MACF1: variants seen among roughly 807,000 people sequenced by gnomAD.
MACF1 encodes microtubule actin crosslinking factor 1, also known as microtubule-actin cross-linking factor 1.
Under a neutral mutation model 854.8 loss-of-function variants are expected in MACF1, and 193 were observed. That is an observed-to-expected ratio of 0.23 (90% CI 0.20 to 0.25). MACF1 has a LOEUF of 0.25. MACF1 is among the 10% of genes least tolerant of loss of function. MACF1 has a pLI of 1.00. For synonymous variants in MACF1, 3,185 were observed against 3,226.7 expected (o/e 0.99, Z 0.44); for missense variants, 7,722 against 8,929.1 (o/e 0.86, Z 5.45).
At chr1:39,092,547 G>C (rs1377778956) in intron 2 of MACF1, among the ~76,000 whole-genome samples, 4 of 152,176 alleles carry the variant, frequency 2.6e-5, no homozygotes, top group Non-Finnish European at 5.9e-5. Flanking sequence ...GCGCCCCCTG[G>C]CCCTCAACAT....
intron 84 of MACF1, among the ~76,000 whole-genome samples, chr1:39,449,893 T>A (rs1451138139): frequency 2.6e-5 from 4 of 151,952 alleles, no homozygotes; most frequent in Non-Finnish European, 4.4e-5. Flanking sequence ...GGAATCTCCC[T>A]CTGTCATCCA....
intron 52 of MACF1, among the ~76,000 whole-genome samples, 184 bp from the exon 53 acceptor site, chr1:39,378,277 T>C (rs145725224): frequency 6.6e-6 from 1 of 152,342 alleles, no homozygotes; most frequent in Non-Finnish European, 1.5e-5. Context: ...GCTAAGAACC[T>C]TGAGTGACGT....
intron 20 of MACF1, among the ~76,000 whole-genome samples, chr1:39,296,648 T>C (rs1645905941): frequency 2.0e-5 from 3 of 151,420 alleles, no homozygotes; most frequent in Non-Finnish European, 4.4e-5. Flanking sequence ...GAGAATTACT[T>C]GAACCTGGGA....
chr1:39,234,253 A>C lies in MACF1; in HGVS notation c.171+3010A>C, dbSNP rs112668643. 3.1e-3 allele frequency among the ~76,000 whole-genome samples: 472 copies of C among 152,080 alleles called. 3 individuals carry two copies. The highest frequency in any genetic ancestry group is 6.8e-3 in the Middle Eastern group (2 of 294). ...TTTTCCCCACCTCTCCCTCCTTTCTATTCCACAAAGCCGCCATTGTCATCC... is the reference window on the plus strand; with the variant it reads ...TTTTCCCCACCTCTCCCTCCTTTCTCTTCCACAAAGCCGCCATTGTCATCC... On this transcript the variant is annotated intron_variant, in intron 2 of 100. Coordinates refer to ENST00000564288, the MANE Select transcript of MACF1 (RefSeq NM_001394062.1).
At chr1:39,370,284 C>A in intron 51 of MACF1, 98 bp downstream of exon 51, 1 of 1,135,352 alleles carries the variant, frequency 8.8e-7, no homozygotes, top group Non-Finnish European at 1.2e-6. Context: ...TATGAGAAAT[C>A]CAAGTTGTCA....
At chr1:39,427,911 TTTTCA>T (rs1397904848) in intron 62 of MACF1, 45 bp from the exon 63 acceptor site, 33 of 1,384,124 alleles carry the variant, frequency 2.4e-5, no homozygotes, top group Non-Finnish European at 2.9e-5. Flanking sequence ...TTGTGTTTAC[TTTTCA>T]TTTATTTTGT....
At chr1:39,397,241 C>A (rs1035347250) in intron 58 of MACF1, among the ~76,000 whole-genome samples, 8 of 152,066 alleles carry the variant, frequency 5.3e-5, no homozygotes, top group African/African-American at 1.9e-4. Context: ...TAACTCGAAA[C>A]TATTGTAAGT....
chr1:39,402,409 C>T (rs1029724580), intron 58 of MACF1, among the ~76,000 whole-genome samples: 6 of 152,130 alleles, frequency 3.9e-5, no homozygotes, highest in African/African-American at 1.4e-4. Flanking sequence ...TCTCATAGCA[C>T]GGTGTGCTTT....
intron 6 of MACF1, among the ~76,000 whole-genome samples, chr1:39,278,558 GA>G (rs1645482350): frequency 6.6e-6 from 1 of 152,174 alleles, no homozygotes; most frequent in African/African-American, 2.4e-5. Context: ...TTTGGGTGAA[GA>G]ACCCAAATAC....
chr1:39,146,561 GGAGGACATTAT>G (rs1232023580), intron 2 of MACF1, among the ~76,000 whole-genome samples: 1 of 152,128 alleles, frequency 6.6e-6, no homozygotes, highest in East Asian at 1.9e-4. Context: ...GGATGGAACT[GGAGGACATTAT>G]GTTAAGCGAA....
Position 39,084,328 on chromosome 1 carries a change from GT to G in MACF1, c.111del (p.Pro39GlnfsTer54). ...GAGCGGTCGGGGAGCCTGTCTCCCT[GT>G]CCCCCAGGGGACACCTTGCCCTGGA... On this transcript the variant is annotated frameshift_variant, in exon 2 of 94. Transcript: ENST00000361689. LOFTEE classifies it high-confidence loss of function. The surrounding 1 kb of genome is among the most constrained non-coding windows in gnomAD (Gnocchi z 5.2). The G allele has an allele frequency of 6.2e-7, 1 of 1,613,970 alleles. No individual in the cohort carries two copies. The highest frequency in any genetic ancestry group is 8.5e-7 in the Non-Finnish European group (1 of 1,180,018).
chr1:39,418,413 T>C (rs185511813), intron 58 of MACF1, among the ~76,000 whole-genome samples: 2 of 152,256 alleles, frequency 1.3e-5, no homozygotes, highest in Non-Finnish European at 1.5e-5. Flanking sequence ...CCCACAGAAA[T>C]TGATGGAATT....
chr1:39,338,457 T>C (rs1027697915), intron 38 of MACF1, among the ~76,000 whole-genome samples: 3 of 152,130 alleles, frequency 2.0e-5, no homozygotes, highest in African/African-American at 7.2e-5. Flanking sequence ...GCCTCAAAAA[T>C]TGGGAGCACC....
chr1:39,239,140 G>C (rs573606638), intron 2 of MACF1, among the ~76,000 whole-genome samples: 1 of 152,348 alleles, frequency 6.6e-6, no homozygotes, highest in African/African-American at 2.4e-5. Context: ...AATTAGCTGG[G>C]AGTGGTGGCT....
At chr1:39,294,061 A>G (rs1309179845) in intron 18 of MACF1, among the ~76,000 whole-genome samples, 2 of 152,178 alleles carry the variant, frequency 1.3e-5, no homozygotes, top group African/African-American at 2.4e-5. Context: ...GTATTCCCCA[A>G]CGGTTGCATA....
intron 2 of MACF1, among the ~76,000 whole-genome samples, chr1:39,157,396 T>C (rs939114610): frequency 1.3e-5 from 2 of 152,236 alleles, no homozygotes; most frequent in Non-Finnish European, 2.9e-5. Context: ...AATCTGTAAT[T>C]GGGAGTTTTG....
upstream of MACF1, among the ~76,000 whole-genome samples, chr1:39,201,088 C>A (rs1197188943): frequency 6.6e-6 from 1 of 152,190 alleles, no homozygotes; most frequent in Non-Finnish European, 1.5e-5. Flanking sequence ...AATAGCAGTT[C>A]TATCCTTTCA....
chr1:39,310,777 T>G, intron 25 of MACF1, 54 bp from the exon 26 acceptor site: 1 of 1,496,514 alleles, frequency 6.7e-7, no homozygotes, highest in Admixed American at 2.0e-5. Context: ...GGATATCAGG[T>G]CTGCTTATCT....
chr1:39,178,181 C>CTTTTTT (rs67390335), intron 2 of MACF1, among the ~76,000 whole-genome samples: 207 of 137,578 alleles, frequency 1.5e-3, no homozygotes, highest in African/African-American at 5.4e-3. Flanking sequence ...TTTCAACATT[C>CTTTTTT]TTTTTTTTTT....
Sources: gnomAD v4.1 joint callset for allele counts (sites outside exome capture counted in the v4.1 genomes callset) on GRCh38, gnomAD v4.1.1 for gene constraint, Gnocchi (gnomAD v3.1) non-coding constraint, MANE v1.5 for transcripts, NCBI Gene and HGNC (gene_info 2026-07-23, HGNC 2026-07-21) for gene names.